WDR7: variants seen among roughly 807,000 people sequenced by gnomAD.
The protein encoded by WDR7 is WD repeat-containing protein 7.
In WDR7, 46 loss-of-function variants were observed where a neutral mutation model predicts 169.4. That is an observed-to-expected ratio of 0.27 (90% CI 0.21 to 0.35). The LOEUF (loss-of-function observed/expected upper bound fraction) is 0.35, where lower values mean the gene tolerates loss of function less well. Ranked by LOEUF, WDR7 falls within the 10% of genes least tolerant of loss-of-function variation. The pLI is 1.00. For missense variants in WDR7, 1,534 were observed against 1,859.3 expected, an observed-to-expected ratio of 0.83 and a Z score of 3.22; for synonymous variants, 612 against 666.8, an observed-to-expected ratio of 0.92 and a Z score of 1.27.
At chr18:56,659,179 G>C (rs559250436) in intron 1 of WDR7, among the ~76,000 whole-genome samples, 1 of 50,086 alleles carries the variant, frequency 2.0e-5, no homozygotes, top group African/African-American at 4.5e-5. Flanking sequence ...AAAACCTGTA[G>C]CTGGGGAAAA....
intron 25 of WDR7, among the ~76,000 whole-genome samples, chr18:56,949,158 C>CTCTCCCTCTCT (rs1426191369): frequency 1.3e-5 from 2 of 151,200 alleles, no homozygotes; most frequent in African/African-American, 2.4e-5. Context: ...CTCTCTCTTT[C>CTCTCCCTCTCT]CCTTTGGCTA....
chr18:56,820,307 G>C (rs576716034), intron 20 of WDR7, among the ~76,000 whole-genome samples: 30 of 98,962 alleles, frequency 3.0e-4, no homozygotes, highest in Non-Finnish European at 5.2e-4. Context: ...GACCAAAAAC[G>C]ATGATAAAGG....
At chr18:56,867,306 G>C (rs761318761) in intron 20 of WDR7, among the ~76,000 whole-genome samples, 2 of 152,022 alleles carry the variant, frequency 1.3e-5, no homozygotes, top group Non-Finnish European at 2.9e-5. Context: ...TAAAGTGCTG[G>C]GATTACAGGC....
chr18:56,995,143 GT>G (rs2047881005), intron 26 of WDR7, among the ~76,000 whole-genome samples: 1 of 152,110 alleles, frequency 6.6e-6, no homozygotes, highest in Non-Finnish European at 1.5e-5. Flanking sequence ...TCTGAAAGGG[GT>G]TACTGGTGTG....
chr18:56,819,277 A>G (rs1249299397), intron 20 of WDR7, among the ~76,000 whole-genome samples: 1 of 152,196 alleles, frequency 6.6e-6, no homozygotes, highest in African/African-American at 2.4e-5. Flanking sequence ...GAAGCGAAGA[A>G]TCTTAACTGG....
intron 20 of WDR7, among the ~76,000 whole-genome samples, chr18:56,827,861 T>TA (rs896145998): frequency 1.1e-4 from 17 of 151,680 alleles, no homozygotes; most frequent in African/African-American, 2.9e-4. Flanking sequence ...ATGAAAAATT[T>TA]AAAAAAAACA....
intron 20 of WDR7, among the ~76,000 whole-genome samples, chr18:56,861,007 A>G (rs1214041): frequency 0.85 from 128,640 of 152,120 alleles, 54,555 homozygotes; most frequent in East Asian, 0.98. Context: ...TTTCTATGTT[A>G]ACTGTTTTGC....
chr18:56,742,442 T>G (rs2043633885), intron 14 of WDR7, among the ~76,000 whole-genome samples: 1 of 152,244 alleles, frequency 6.6e-6, no homozygotes, highest in East Asian at 1.9e-4. Flanking sequence ...TATTCTCTTC[T>G]AATATGTTTG....
At chr18:56,973,250 A>G (rs1164832000) in intron 26 of WDR7, among the ~76,000 whole-genome samples, 2 of 152,208 alleles carry the variant, frequency 1.3e-5, no homozygotes, top group East Asian at 3.9e-4. Context: ...AAAATAAATT[A>G]TATCCTTCGT....
At chr18:56,715,868 T>A (rs2026180552) in intron 12 of WDR7, among the ~76,000 whole-genome samples, 1 of 152,126 alleles carries the variant, frequency 6.6e-6, no homozygotes, top group Admixed American at 6.5e-5. Context: ...TGTTGCAAAA[T>A]AGAATATTGT....
At chr18:56,834,562 C>T (rs1010232382) in intron 20 of WDR7, among the ~76,000 whole-genome samples, 2 of 152,014 alleles carry the variant, frequency 1.3e-5, no homozygotes, top group African/African-American at 4.8e-5. Context: ...ACCCTTCTCT[C>T]TTCCATTTGT....
At chr18:57,011,005 CT>C (rs1325762892) in intron 26 of WDR7, among the ~76,000 whole-genome samples, 5 of 152,148 alleles carry the variant, frequency 3.3e-5, no homozygotes. Flanking sequence ...ATTCATAAAA[CT>C]TCCTTTTAAA....
chr18:56,820,360 A>AAAC lies in WDR7; in HGVS notation c.3304+4218_3304+4219insCAA, dbSNP rs927618778. Among the ~76,000 whole-genome samples, 27 of 135,948 alleles carry AAAC rather than the reference A, an allele frequency of 2.0e-4. No homozygotes were observed. The South Asian group carries it at 5.7e-3, about 28-fold the overall frequency. The allele number at this position is 135,948 out of a possible 152,430, so 89.2% of individuals were successfully genotyped here. ...TTGTCAAAAAAAAAAAAAAAAAAAA[A>AAAC]AAAACCACCTTGATACTAGATCAGC... On this transcript the variant is annotated intron_variant, in intron 20 of 27. Transcript: ENST00000254442.
intron 19 of WDR7, among the ~76,000 whole-genome samples, chr18:56,806,477 C>T (rs562392203): frequency 3.3e-5 from 5 of 152,174 alleles, no homozygotes; most frequent in Admixed American, 2.6e-4. Flanking sequence ...TGCATGCATA[C>T]ACACAACCAC....
At chr18:56,654,377 G>C (rs1256221426) in intron 1 of WDR7, among the ~76,000 whole-genome samples, 1 of 152,176 alleles carries the variant, frequency 6.6e-6, no homozygotes, top group Non-Finnish European at 1.5e-5. Flanking sequence ...TGATCTGCCT[G>C]CCTCAGCCTC....
In WDR7 at chr18:57,020,740, T is replaced by G; in HGVS notation, c.4165-5T>G. 1 of 1,613,584 alleles carries G rather than the reference T, an allele frequency of 6.2e-7. No individual in the cohort carries two copies. The highest frequency in any genetic ancestry group is 2.2e-5 in the East Asian group (1 of 44,878). Reference sequence around the variant, plus strand: ...ATCATTCATGATATCTGAATTTTATTTTAGACAATCCATGGACACAAGGGA... The same window carrying G: ...ATCATTCATGATATCTGAATTTTATGTTAGACAATCCATGGACACAAGGGA... On this transcript the variant is annotated splice_polypyrimidine_tract_variant and splice_region_variant and intron_variant, in intron 26 of 27. Coordinates refer to ENST00000254442, the MANE Select transcript of WDR7 (RefSeq NM_015285.3).
At chr18:56,841,463 T>C (rs1202528089) in intron 20 of WDR7, among the ~76,000 whole-genome samples, 1 of 150,976 alleles carries the variant, frequency 6.6e-6, no homozygotes, top group Non-Finnish European at 1.5e-5. Flanking sequence ...GGAGAATTGC[T>C]TGAACCTGGG....
intron 25 of WDR7, among the ~76,000 whole-genome samples, chr18:56,959,980 C>A (rs145516422): frequency 9.9e-5 from 15 of 152,228 alleles, no homozygotes; most frequent in African/African-American, 3.6e-4. Context: ...GAAGTGACTG[C>A]GTACATACCA....
chr18:56,888,064 T>C (rs1378384258), intron 21 of WDR7, among the ~76,000 whole-genome samples: 1 of 152,226 alleles, frequency 6.6e-6, no homozygotes, highest in African/African-American at 2.4e-5. Context: ...CTTTAATTGC[T>C]AATGTAGTTA....
Sources: gnomAD v4.1 joint callset for allele counts (sites outside exome capture counted in the v4.1 genomes callset) on GRCh38, gnomAD v4.1.1 for gene constraint, MANE v1.5 for transcripts, NCBI Gene and HGNC (gene_info 2026-07-23, HGNC 2026-07-21) for gene names.